SCN10A: variants seen among roughly 807,000 people sequenced by gnomAD.
SCN10A encodes the protein sodium channel protein type 10 subunit alpha.
SCN10A carries 162 observed loss-of-function variants against 170.7 expected under a neutral mutation model. That is an observed-to-expected ratio of 0.95 (90% CI 0.84 to 1.08). The LOEUF (loss-of-function observed/expected upper bound fraction) is 1.08, where lower values mean the gene tolerates loss of function less well. SCN10A is among the 50% of genes least tolerant of loss of function. The pLI is 0.00. For missense variants in SCN10A, 2,527 were observed against 2,436.9 expected (o/e 1.04, Z -0.78); for synonymous variants, 985 against 904.6 (o/e 1.09, Z -1.59).
intron 15 of SCN10A, among the ~76,000 whole-genome samples, chr3:38,732,287 C>A (rs1270211278): frequency 1.3e-5 from 2 of 152,186 alleles, no homozygotes; most frequent in Admixed American, 1.3e-4. Context: ...ATATACATGA[C>A]TTTTAGGCAT....
At position 38,750,128 on chromosome 3, in the gene SCN10A, AG is replaced by A; in HGVS notation, c.1811del (p.Pro604LeufsTer8). ...TFLSAEYLDEPFRAQRAMSVV... is the reference protein window; with the variant it reads ...TFLSAEYLDEXFRAQRAMSVV... ...CACTCATTGCCCTTTGGGCCCGGAA[AG>A]GTTCATCTAAGTATTCTGCTGACAA... On this transcript the variant is annotated frameshift_variant, in exon 13 of 28. Transcript: ENST00000449082. LOFTEE classifies it high-confidence loss of function. 5 of 1,613,402 alleles carry A rather than the reference AG, an allele frequency of 3.1e-6. No individual in the cohort carries two copies. Among genetic ancestry groups the A allele is most frequent in the Non-Finnish European group, 4.2e-6 (5 of 1,179,626 alleles).
chr3:38,733,020 T>A (rs1167178014), intron 15 of SCN10A, among the ~76,000 whole-genome samples: 1 of 152,196 alleles, frequency 6.6e-6, no homozygotes, highest in African/African-American at 2.4e-5. Context: ...GTGTAGCCAC[T>A]GTTTCTTGTG....
chr3:38,742,206 C>T, intron 14 of SCN10A, 85 bp downstream of exon 14: 1 of 898,750 alleles, frequency 1.1e-6, no homozygotes, highest in Non-Finnish European at 1.8e-6. Flanking sequence ...AAGGGCATGC[C>T]CCACCCCACC....
At position 38,716,884 on chromosome 3, in the gene SCN10A, T is replaced by C. The variant is rs546218384; in HGVS notation, c.3681+1769A>G. Among the ~76,000 whole-genome samples the C allele has an allele frequency of 8.2e-4, 125 of 151,838 alleles. 1 individual carries two copies. Among genetic ancestry groups the C allele is most frequent in the Middle Eastern group, 6.8e-3 (2 of 294 alleles). On this transcript the variant is annotated intron_variant, in intron 21 of 27. Coordinates refer to ENST00000449082, the MANE Select transcript of SCN10A (RefSeq NM_006514.4). ...CTGGAAGGTTGATAGGATGGATGAA[T>C]GGATGATGAATGGAAGGGAAAGGGA...
At chr3:38,781,012 C>T (rs1483187333) in intron 4 of SCN10A, among the ~76,000 whole-genome samples, 2 of 151,972 alleles carry the variant, frequency 1.3e-5, no homozygotes, top group African/African-American at 2.4e-5. Flanking sequence ...TACGGTCATT[C>T]GGCAGTTGAA....
intron 17 of SCN10A, 35 bp from the exon 18 acceptor site, chr3:38,725,349 C>A: frequency 6.5e-7 from 1 of 1,534,170 alleles, no homozygotes; most frequent in Non-Finnish European, 8.9e-7. Flanking sequence ...GTGCCTGGCC[C>A]CACCCTTAGA....
intron 19 of SCN10A, 25 bp from the exon 20 acceptor site, chr3:38,722,437 G>C: frequency 6.2e-7 from 1 of 1,610,248 alleles, no homozygotes; most frequent in Non-Finnish European, 8.5e-7. Context: ...GACTGATGGT[G>C]GGTGATGGCC....
chr3:38,702,137 G>A (rs1392596699), intron 26 of SCN10A, 28 bp from the exon 27 acceptor site: 13 of 1,523,006 alleles, frequency 8.5e-6, no homozygotes, highest in Non-Finnish European at 1.1e-5. Flanking sequence ...AGTGGCATCA[G>A]GGCCTTTGGG....
chr3:38,775,121 C>T (rs929990348), intron 4 of SCN10A, among the ~76,000 whole-genome samples: 2 of 152,176 alleles, frequency 1.3e-5, no homozygotes, highest in African/African-American at 2.4e-5. Context: ...ACCACTTTCA[C>T]CATTTTTAAG....
intron 4 of SCN10A, among the ~76,000 whole-genome samples, chr3:38,780,532 AGGTT>A (rs552234790): frequency 1.7e-3 from 254 of 152,168 alleles, no homozygotes; most frequent in African/African-American, 5.7e-3. Context: ...TTAAAATATT[AGGTT>A]GGTACAAAAG....
At chr3:38,727,103 C>T in intron 16 of SCN10A, 51 bp from the exon 17 acceptor site, 1 of 1,539,144 alleles carries the variant, frequency 6.5e-7, no homozygotes, top group Non-Finnish European at 8.9e-7. Context: ...AGCTGAGCCC[C>T]ACATTGGCCT....
intron 13 of SCN10A, among the ~76,000 whole-genome samples, chr3:38,746,096 T>C (rs990548737): frequency 8.2e-6 from 1 of 122,582 alleles, no homozygotes; most frequent in Non-Finnish European, 1.7e-5. Context: ...TATATATATA[T>C]ATATGCCATC....
At chr3:38,750,036 G>T (rs2063731051) in intron 13 of SCN10A, 37 bp downstream of exon 13, 3 of 1,150,910 alleles carry the variant, frequency 2.6e-6, no homozygotes, top group South Asian at 1.3e-5. Context: ...AATTCATCAT[G>T]ACACAGTGGA....
chr3:38,791,326 G>A (rs1015050939), intron 3 of SCN10A, among the ~76,000 whole-genome samples: 1 of 152,130 alleles, frequency 6.6e-6, no homozygotes, highest in African/African-American at 2.4e-5. Flanking sequence ...TTTTCTACTA[G>A]TTTGGCTTGC....
At chr3:38,798,613 T>G (rs960239454) in intron 1 of SCN10A, among the ~76,000 whole-genome samples, 3 of 152,104 alleles carry the variant, frequency 2.0e-5, no homozygotes, top group Admixed American at 6.6e-5. Context: ...CCAAGAAATA[T>G]CTATTCTAGT....
At chr3:38,774,419 C>G (rs1485165275) in intron 4 of SCN10A, among the ~76,000 whole-genome samples, 14 of 152,160 alleles carry the variant, frequency 9.2e-5, no homozygotes, top group Admixed American at 8.5e-4. Context: ...TGCATCCTCT[C>G]TTTGGTGGTA....
At chr3:38,779,643 A>G (rs1471678540) in intron 4 of SCN10A, among the ~76,000 whole-genome samples, 2 of 151,844 alleles carry the variant, frequency 1.3e-5, no homozygotes, top group Non-Finnish European at 2.9e-5. Flanking sequence ...CTATGCTTCC[A>G]TGCTGTGACT....
At chr3:38,722,147 G>A in intron 20 of SCN10A, 111 bp downstream of exon 20, 1 of 1,058,912 alleles carries the variant, frequency 9.4e-7, no homozygotes, top group Non-Finnish European at 1.4e-6. Context: ...ACAAGGTTGG[G>A]GACTTTCAGC....
At chr3:38,760,259 T>C (rs2063853803) in intron 8 of SCN10A, among the ~76,000 whole-genome samples, 1 of 152,192 alleles carries the variant, frequency 6.6e-6, no homozygotes, top group African/African-American at 2.4e-5. Flanking sequence ...ACTGTTTTTC[T>C]GGGAACACTG....
Sources: allele counts gnomAD v4.1 joint callset (sites outside exome capture counted in the v4.1 genomes callset), GRCh38; gene constraint gnomAD v4.1.1; transcripts MANE v1.5; gene names NCBI Gene and HGNC (gene_info 2026-07-23, HGNC 2026-07-21).